HSP90B1: variants seen among roughly 807,000 people sequenced by gnomAD.
HSP90B1 encodes endoplasmin.
Under a neutral mutation model 100.4 loss-of-function variants are expected in HSP90B1, and 27 were observed. The ratio of observed to expected loss-of-function variants is 0.27; its 90% confidence interval spans 0.20 to 0.37. The LOEUF is 0.37. HSP90B1 is among the 10% of genes least tolerant of loss of function. The pLI is 1.00. For missense variants in HSP90B1, 678 were observed against 960.5 expected, an observed-to-expected ratio of 0.71 and a Z score of 3.89; for synonymous variants, 304 against 330.8, an observed-to-expected ratio of 0.92 and a Z score of 0.88.
intron 14 of HSP90B1, among the ~76,000 whole-genome samples, chr12:103,944,654 TC>T (rs983312332): frequency 2.6e-5 from 4 of 152,000 alleles, no homozygotes; most frequent in African/African-American, 9.7e-5. Context: ...CCTCCTGGGT[TC>T]AAGTAATTCT....
intron 5 of HSP90B1, 55 bp downstream of exon 5, chr12:103,934,342 C>G (rs1189560279): frequency 7.5e-7 from 1 of 1,339,244 alleles, no homozygotes; most frequent in Admixed American, 1.9e-5. Context: ...GATCTTGACT[C>G]TCCAGTTCTA....
At chr12:103,944,863 A>G (rs144741304) in intron 14 of HSP90B1, among the ~76,000 whole-genome samples, 1 of 152,196 alleles carries the variant, frequency 6.6e-6, no homozygotes, top group African/African-American at 2.4e-5. Context: ...CAGGATTATT[A>G]TTCTTAAAGC....
chr12:103,932,270 T>C lies in HSP90B1; in HGVS notation c.153-7T>C. 1 of 1,601,002 alleles carries C rather than the reference T, an allele frequency of 6.2e-7. No individual in the cohort carries two copies. The highest frequency in any genetic ancestry group is 1.1e-5 in the South Asian group (1 of 88,554). On this transcript the variant is annotated splice_polypyrimidine_tract_variant and splice_region_variant and intron_variant, in intron 2 of 17. Coordinates refer to ENST00000299767, the MANE Select transcript of HSP90B1 (RefSeq NM_003299.3). ...GCAATATTTGCTTACCTAACTGATTTCCTTAGAGAGGAAGAAGCTATTCAG... is the reference window on the plus strand; with the variant it reads ...GCAATATTTGCTTACCTAACTGATTCCCTTAGAGAGGAAGAAGCTATTCAG...
chr12:103,939,503 C>A lies in HSP90B1; in HGVS notation c.976-6C>A, dbSNP rs1870016135. The A allele has an allele frequency of 3.6e-6, 5 of 1,373,928 alleles. No individual in the cohort carries two copies. Among genetic ancestry groups the A allele is most frequent in the Non-Finnish European group, 5.0e-6 (5 of 990,328 alleles). 85.1% of individuals were successfully genotyped at this position (1,373,928 alleles called of 1,614,324 possible). A position where few individuals can be genotyped will look rare whatever the true frequency, so the allele number is the denominator to read the frequency against. On this transcript the variant is annotated splice_region_variant and splice_polypyrimidine_tract_variant and intron_variant, in intron 7 of 17. Transcript: ENST00000299767. ...AGAGACTAATCAAATACTATAATAA[C>A]TTCAGGTTGAAAAAACTGTCTGGGA...
At chr12:103,945,754 G>A (rs568647644) in intron 14 of HSP90B1, among the ~76,000 whole-genome samples, 29 of 152,170 alleles carry the variant, frequency 1.9e-4, no homozygotes, top group Middle Eastern at 6.8e-3. Flanking sequence ...TCATCTAACC[G>A]TGTCCACTTG....
In HSP90B1 at chr12:103,946,949, TC is replaced by T. The variant is rs1870253803; in HGVS notation, c.2262+12del. The T allele has an allele frequency of 6.2e-7, 1 of 1,604,912 alleles. No individual in the cohort carries two copies. Among genetic ancestry groups the T allele is most frequent in the African/African-American group, 1.3e-5 (1 of 74,366 alleles). ...ATTGACCCTGATGCAAAGGTTTGTA[TC>T]CCCAACCTTCCCGCAAAGGCTGGCT... On this transcript the variant is annotated intron_variant, in intron 16 of 17. Coordinates refer to ENST00000299767, the MANE Select transcript of HSP90B1 (RefSeq NM_003299.3).
intron 2 of HSP90B1, 88 bp from the exon 3 acceptor site, chr12:103,932,189 C>T: frequency 9.5e-7 from 1 of 1,055,436 alleles, no homozygotes; most frequent in Non-Finnish European, 1.4e-6. Context: ...AGACAATATT[C>T]AGAGGCCCCT....
chr12:103,938,218 G>A (rs1869971905), intron 6 of HSP90B1, 122 bp from the exon 7 acceptor site: 1 of 778,666 alleles, frequency 1.3e-6, no homozygotes, highest in Non-Finnish European at 2.0e-6. Flanking sequence ...ATTAGTTAAG[G>A]ATACTCTCAG....
intron 6 of HSP90B1, 128 bp from the exon 7 acceptor site, chr12:103,938,212 G>A: frequency 1.4e-6 from 1 of 717,010 alleles, no homozygotes; most frequent in East Asian, 3.1e-5. Context: ...TGGTCTATTA[G>A]TTAAGGATAC....
At position 103,930,934 on chromosome 12, in the gene HSP90B1, C is replaced by T. The variant is rs540438654; in HGVS notation, c.49+370C>T. 6.6e-6 allele frequency among the ~76,000 whole-genome samples: 1 copy of T among 152,022 alleles called. No individual in the cohort carries two copies. The highest frequency in any genetic ancestry group is 2.4e-5 in the African/African-American group (1 of 41,474). On this transcript the variant is annotated intron_variant, in intron 1 of 17. Coordinates refer to ENST00000299767, the MANE Select transcript of HSP90B1 (RefSeq NM_003299.3). This position sits in a 1 kb window ranked among gnomAD's most constrained non-coding sequence, Gnocchi z 4.4. The stretch of plus-strand genomic sequence containing the variant: ...TCGGCCATCCCAGCTTTCCCGTCCC[C>T]TAATTCCCCAGACTCCGACTCCTCG...
chr12:103,934,283 A>G lies in HSP90B1; in HGVS notation c.739A>G (p.Ile247Val). 3.1e-6 allele frequency: 5 copies of G among 1,610,570 alleles called. No individual in the cohort carries two copies. Among genetic ancestry groups the G allele is most frequent in the South Asian group, 2.2e-5 (2 of 91,004 alleles). ...AAACACTCTAGGACGGGGAACGACA[A>G]TTACGTGAGTATGACCAATTCCTTA... ...RGNTLGRGTT[I>V]TLVLKEEASD... The change falls in exon 5 of 18, where the codon ATT (isoleucine) becomes GTT (valine). Residue 247 changes from isoleucine to valine, a missense_variant. By Grantham distance (29) the Ile-to-Val change is conservative (BLOSUM62 3). Around this residue, in one of 8 missense-constraint regions of HSP90B1, gnomAD observed 238 missense variants for 346.7 expected, o/e 0.69. Transcript: ENST00000299767.
In HSP90B1 at chr12:103,946,609, T is replaced by C. The variant is rs140182878; in HGVS notation, c.2028-9T>C. The C allele has an allele frequency of 1.8e-4, 285 of 1,599,466 alleles. 1 individual carries two copies. The East Asian group carries it at 4.7e-3, about 27-fold the overall frequency. On this transcript the variant is annotated splice_polypyrimidine_tract_variant and intron_variant, in intron 14 of 17. Transcript: ENST00000299767. ...TGTTTTGTTAATGTTCATTTTTATC[T>C]CTTAACAGTTACTATGCGAGTCAGA... is the stretch of plus-strand genomic sequence containing the variant.
At chr12:103,936,990 A>AT (rs1869939369) in intron 5 of HSP90B1, among the ~76,000 whole-genome samples, 2 of 152,150 alleles carry the variant, frequency 1.3e-5, no homozygotes, top group African/African-American at 2.4e-5. Flanking sequence ...AAGTATCAAG[A>AT]TATGGACTAC....
rs771761707 is a variant in HSP90B1, at chr12:103,930,524, C to T, written c.9C>T (p.Ala3=). 3 of 1,609,382 alleles carry T rather than the reference C, an allele frequency of 1.9e-6. No individual in the cohort carries two copies. The highest frequency in any genetic ancestry group is 2.5e-6 in the Non-Finnish European group (3 of 1,178,064). ...CTCACCGGCCGCACGCCATGAGGGC[C>T]CTGTGGGTGCTGGGCCTCTGCTGCG... MR[A]LWVLGLCCVL... is the part of the protein sequence containing the mutation. The change falls in exon 1 of 18, where the codon GCC becomes GCT. Residue 3 remains alanine, a synonymous_variant. Coordinates refer to ENST00000299767, the MANE Select transcript of HSP90B1 (RefSeq NM_003299.3). The surrounding 1 kb of genome is among the most constrained non-coding windows in gnomAD (Gnocchi z 4.4).
chr12:103,938,911 T>G (rs1869997303), intron 7 of HSP90B1: 1 of 152,332 alleles, frequency 6.6e-6, no homozygotes, highest in African/African-American at 2.4e-5. Context: ...AATATGTATT[T>G]CCTTCTAACC....
intron 5 of HSP90B1, among the ~76,000 whole-genome samples, chr12:103,935,006 G>C (rs1869870681): frequency 6.6e-6 from 1 of 152,198 alleles, no homozygotes; most frequent in South Asian, 2.1e-4. Context: ...CAGCCAGAAT[G>C]TGATGAACTT....
chr12:103,933,824 T>C (rs1869831079), intron 4 of HSP90B1, 132 bp from the exon 5 acceptor site: 1 of 669,288 alleles, frequency 1.5e-6, no homozygotes, highest in Non-Finnish European at 2.6e-6. Flanking sequence ...TAAAAAACTA[T>C]GTGGAGGAAA....
chr12:103,945,876 GAGTTC>G (rs1447147512), intron 14 of HSP90B1, among the ~76,000 whole-genome samples: 2 of 152,132 alleles, frequency 1.3e-5, no homozygotes. Context: ...TTGAGGCCAA[GAGTTC>G]AAGACTAGCC....
At chr12:103,939,674 A>C (rs1352460472) in intron 8 of HSP90B1, 49 bp downstream of exon 8, 1 of 821,890 alleles carries the variant, frequency 1.2e-6, no homozygotes, top group Non-Finnish European at 1.9e-6. Context: ...AATAGACAAA[A>C]TATCACCCTC....
Sources: gnomAD v4.1 joint callset for allele counts (sites outside exome capture counted in the v4.1 genomes callset) on GRCh38, gnomAD v4.1.1 for gene constraint, gnomAD v4.1.1 regional missense constraint, Gnocchi (gnomAD v3.1) non-coding constraint, MANE v1.5 for transcripts, NCBI Gene and HGNC (gene_info 2026-07-23, HGNC 2026-07-21) for gene names.